Variants in CAMTA1 observed in about 807,000 individuals in gnomAD.
CAMTA1 encodes the protein calmodulin binding transcription activator 1, also known as calmodulin-binding transcription activator 1.
In CAMTA1, 27 loss-of-function variants were observed where a neutral mutation model predicts 170.9. That is an observed-to-expected ratio of 0.16 (90% CI 0.12 to 0.22). The LOEUF is 0.22. Among genes scored for constraint, CAMTA1 ranks in the 10% least tolerant of loss-of-function variants. CAMTA1 has a pLI of 1.00. For synonymous variants in CAMTA1, 833 were observed against 891.5 expected (o/e 0.93, Z 1.17); for missense variants, 1,619 against 2,217.2 (o/e 0.73, Z 5.42).
intron 4 of CAMTA1, among the ~76,000 whole-genome samples, chr1:7,193,883 A>T (rs1256634573): frequency 6.6e-6 from 1 of 152,168 alleles, no homozygotes; most frequent in Non-Finnish European, 1.5e-5. Flanking sequence ...TAGCCATCAG[A>T]TTTCCATTAA....
intron 16 of CAMTA1, among the ~76,000 whole-genome samples, chr1:7,740,943 T>A (rs983940403): frequency 3.9e-5 from 6 of 152,094 alleles, no homozygotes; most frequent in African/African-American, 1.2e-4. Flanking sequence ...AATGAGAAGA[T>A]AACACTTAAA....
intron 5 of CAMTA1, among the ~76,000 whole-genome samples, chr1:7,369,647 C>T (rs1371927534): frequency 6.6e-6 from 1 of 151,822 alleles, no homozygotes; most frequent in East Asian, 1.9e-4. Context: ...TGTCGCCAAC[C>T]AGGAAGCTCG....
chr1:6,987,403 G>A (rs1022807608), intron 3 of CAMTA1, among the ~76,000 whole-genome samples: 1 of 152,224 alleles, frequency 6.6e-6, no homozygotes, highest in Non-Finnish European at 1.5e-5. Context: ...GACCTGAGGT[G>A]ATCTGCCCGC....
At chr1:7,368,164 GC>G (rs1162789227) in intron 5 of CAMTA1, among the ~76,000 whole-genome samples, 1 of 143,196 alleles carries the variant, frequency 7.0e-6, no homozygotes, top group Non-Finnish European at 1.5e-5. Context: ...TTGGGTGCAG[GC>G]CCTGGGCATG....
chr1:7,444,462 C>T (rs759799059), intron 5 of CAMTA1, among the ~76,000 whole-genome samples: 5 of 152,246 alleles, frequency 3.3e-5, no homozygotes, highest in Admixed American at 6.5e-5. Context: ...GGCCATAGTG[C>T]ACTCTGCCCA....
intron 3 of CAMTA1, among the ~76,000 whole-genome samples, chr1:6,867,176 C>T (rs1666849552): frequency 6.6e-6 from 1 of 152,204 alleles, no homozygotes; most frequent in African/African-American, 2.4e-5. Context: ...AGCATGTTAT[C>T]ACTCTCCAAA....
chr1:7,664,761 C>A lies in CAMTA1; in HGVS notation c.2214C>A (p.Gly738=). The stretch of plus-strand genomic sequence containing the variant: ...CCGGCGGCGTCCCCATCCTCCCGGG[C>A]AACGTGGTGCAGGGACTCTACCCCG... ...RSAGGVPILP[G]NVVQGLYPVA... is the part of the protein sequence containing the mutation. The change falls in exon 9 of 23, where the codon GGC becomes GGA. Residue 738 remains glycine, a synonymous_variant. Coordinates refer to ENST00000303635, the MANE Select transcript of CAMTA1 (RefSeq NM_015215.4). 1.2e-6 allele frequency: 2 copies of A among 1,608,940 alleles called. No homozygotes were observed. The highest frequency in any genetic ancestry group is 1.7e-6 in the Non-Finnish European group (2 of 1,176,796).
chr1:7,307,377 T>C (rs575056589), intron 5 of CAMTA1, among the ~76,000 whole-genome samples: 3 of 152,036 alleles, frequency 2.0e-5, no homozygotes, highest in Middle Eastern at 3.4e-3. Flanking sequence ...GTGTGGGCAA[T>C]CATGCTATCT....
chr1:7,056,560 A>T (rs961219605), intron 3 of CAMTA1, among the ~76,000 whole-genome samples: 2 of 152,160 alleles, frequency 1.3e-5, no homozygotes, highest in African/African-American at 4.8e-5. Flanking sequence ...TCATTGATGG[A>T]TGAATTTAAC....
chr1:7,103,058 G>A (rs1642927813), intron 4 of CAMTA1, among the ~76,000 whole-genome samples: 1 of 151,810 alleles, frequency 6.6e-6, no homozygotes, highest in Non-Finnish European at 1.5e-5. Flanking sequence ...GGGAGAGGCT[G>A]CCCCTCTAGT....
Position 7,067,111 on chromosome 1 carries a change from C to A in CAMTA1, c.235-24193C>A, listed in dbSNP as rs891009989. Reference sequence around the variant, plus strand: ...AATGCCCCAGTCCCCACACGGGGCACCCCCTTACCCATAGCACTGTCTCAT... The same window carrying A: ...AATGCCCCAGTCCCCACACGGGGCAACCCCTTACCCATAGCACTGTCTCAT... On this transcript the variant is annotated intron_variant, in intron 3 of 22. Coordinates refer to ENST00000303635, the MANE Select transcript of CAMTA1 (RefSeq NM_015215.4). The surrounding 1 kb of genome is among the most constrained non-coding windows in gnomAD (Gnocchi z 4.3). Among the ~76,000 whole-genome samples, 8 of 152,234 alleles carry A rather than the reference C, an allele frequency of 5.3e-5. No homozygotes were observed. The highest frequency in any genetic ancestry group is 1.9e-4 in the African/African-American group (8 of 41,458).
intron 4 of CAMTA1, among the ~76,000 whole-genome samples, chr1:7,142,581 C>T (rs1007268651): frequency 7.2e-5 from 11 of 152,196 alleles, no homozygotes; most frequent in African/African-American, 2.7e-4. Context: ...GGCTTGGTGT[C>T]ATCCTTGCGG....
chr1:7,730,801 AGCC>A (rs1208172670), intron 11 of CAMTA1, among the ~76,000 whole-genome samples: 4 of 152,078 alleles, frequency 2.6e-5, no homozygotes, highest in African/African-American at 9.7e-5. Flanking sequence ...TGGGTGGCTG[AGCC>A]AAGATAATCG....
rs529496259 is a variant in CAMTA1, at chr1:7,494,891, C to A, written c.510+26990C>A. Among the ~76,000 whole-genome samples, 6 of 152,274 alleles carry A rather than the reference C, an allele frequency of 3.9e-5. No homozygotes were observed. In the South Asian group the frequency reaches 1.2e-3, roughly 32 times the overall value. The stretch of plus-strand genomic sequence containing the variant: ...CAAGTAGGGAACAGGCAGCCTTGAC[C>A]AGCAAGCCGGCAGTGTCCTGAGGAA... On this transcript the variant is annotated intron_variant, in intron 6 of 22. Transcript: ENST00000303635.
chr1:7,175,848 C>G (rs1302698144), intron 4 of CAMTA1, among the ~76,000 whole-genome samples: 1 of 152,366 alleles, frequency 6.6e-6, no homozygotes, highest in East Asian at 1.9e-4. Flanking sequence ...TGCCTGAAGC[C>G]ATGTGGGTTT....
At position 7,664,527 on chromosome 1, in the gene CAMTA1, T is replaced by A; in HGVS notation, c.1980T>A (p.Gly660=). ...CGTCCCAAACCAGCTCCTGCAGCGG[T>A]CACGTGGAGACGCGGATCGAGTCCA... ...EASSQTSSCS[G]HVETRIESTS... Residue 660 remains glycine, a synonymous_variant, in exon 9 of 23, where the codon GGT becomes GGA. Transcript: ENST00000303635. 1 of 1,613,222 alleles carries A rather than the reference T, an allele frequency of 6.2e-7. No individual in the cohort carries two copies. The highest frequency in any genetic ancestry group is 8.5e-7 in the Non-Finnish European group (1 of 1,180,032).
chr1:7,139,165 A>T (rs1645735587), intron 4 of CAMTA1, among the ~76,000 whole-genome samples: 1 of 134,038 alleles, frequency 7.5e-6, no homozygotes, highest in Non-Finnish European at 1.6e-5. Flanking sequence ...ATAAATATAT[A>T]TAAATATATA....
chr1:7,253,490 C>T (rs1666916255), intron 5 of CAMTA1, among the ~76,000 whole-genome samples: 1 of 152,216 alleles, frequency 6.6e-6, no homozygotes, highest in South Asian at 2.1e-4. Context: ...TTGTCCTCTC[C>T]AGTTTCTTTG....
intron 3 of CAMTA1, among the ~76,000 whole-genome samples, chr1:6,884,289 G>GACACAC (rs1320065318): frequency 4.8e-5 from 4 of 84,178 alleles, no homozygotes; most frequent in South Asian, 7.3e-4. Context: ...TTATTCTCTA[G>GACACAC]AGACACACAC....
Sources: allele counts gnomAD v4.1 joint callset (sites outside exome capture counted in the v4.1 genomes callset), GRCh38; gene constraint gnomAD v4.1.1; non-coding constraint Gnocchi (gnomAD v3.1); transcripts MANE v1.5; gene names NCBI Gene and HGNC (gene_info 2026-07-23, HGNC 2026-07-21).